SLCO4A1: variants seen among roughly 807,000 people sequenced by gnomAD.
SLCO4A1 encodes the protein solute carrier organic anion transporter family member 4A1.
In SLCO4A1, 51 loss-of-function variants were observed where a neutral mutation model predicts 64.6. The ratio of observed to expected loss-of-function variants is 0.79; its 90% CI spans 0.63 to 1.00. SLCO4A1 has a LOEUF of 1.00. Among genes scored for constraint, SLCO4A1 ranks in the 50% least tolerant of loss-of-function variants. The probability of loss-of-function intolerance (pLI) is 0.00; values close to 1 mark genes in which losing one functional copy is unlikely to be tolerated. For missense variants in SLCO4A1, 919 were observed against 980.5 expected, an observed-to-expected ratio of 0.94 and a Z score of 0.84; for synonymous variants, 471 against 444.9, an observed-to-expected ratio of 1.06 and a Z score of -0.74.
chr20:62,679,869 A>G (rs1002632173), intron 2 of SLCO4A1, among the ~76,000 whole-genome samples: 2 of 152,224 alleles, frequency 1.3e-5, no homozygotes, highest in African/African-American at 4.8e-5. Context: ...AAACGTCAGA[A>G]AAGTTTCAGG....
Position 62,661,041 on chromosome 20 carries a change from C to CCCCCCCCCCCCCCCAACA in SLCO4A1, c.1010-23_1010-22insCCCCCCCCCCCCCCAACA. 2 of 1,424,142 alleles carry CCCCCCCCCCCCCCCAACA rather than the reference C, an allele frequency of 1.4e-6. No individual in the cohort carries two copies. Among genetic ancestry groups the CCCCCCCCCCCCCCCAACA allele is most frequent in the Non-Finnish European group, 9.9e-7 (1 of 1,010,142 alleles). 88.2% of individuals were successfully genotyped at this position (1,424,142 alleles called of 1,614,324 possible). On this transcript the variant is annotated intron_variant, in intron 4 of 11. Transcript: ENST00000217159. This position sits in a 1 kb window ranked among gnomAD's most constrained non-coding sequence, Gnocchi z 5.2. ...TCCGGGAGCCCCCAGCCCCCAGCCCCAGCTCACTCTGTGCCCTTCCAGGCT... is the reference window on the plus strand; with the variant it reads ...TCCGGGAGCCCCCAGCCCCCAGCCCCCCCCCCCCCCCCCCAACAAGCTCACTCTGTGCCCTTCCAGGCT...
chr20:62,660,427 C>T lies in SLCO4A1; in HGVS notation c.903C>T (p.Thr301=), dbSNP rs375255303. 103 of 1,599,672 alleles carry T rather than the reference C, an allele frequency of 6.4e-5. 1 individual carries two copies. The highest frequency in any genetic ancestry group is 5.8e-4 in the South Asian group (53 of 91,056). ...TEMGRRTELT[T]ESPLWVGAWW... is the part of the protein sequence containing the mutation. The stretch of plus-strand genomic sequence containing the variant: ...TCTTCCACAGGACGGAGCTGACCAC[C>T]GAGAGCCCACTGTGGGTCGGCGCCT... The change falls in exon 4 of 12, where the codon ACC becomes ACT. Residue 301 remains threonine, a synonymous_variant. Transcript: ENST00000217159.
Position 62,656,553 on chromosome 20 carries a change from A to T in SLCO4A1, c.99A>T (p.Ala33=). The change falls in exon 2 of 12, where the codon GCA becomes GCT. Residue 33 remains alanine, a synonymous_variant. Coordinates refer to ENST00000217159, the MANE Select transcript of SLCO4A1 (RefSeq NM_016354.4). ...GLDHTPPSRR[A]SPGTPLSPGS... Reference sequence around the variant, plus strand: ...ACCACACCCCACCCAGCAGGAGGGCATCCCCGGGCACACCCCTGAGCCCCG... The same window carrying T: ...ACCACACCCCACCCAGCAGGAGGGCTTCCCCGGGCACACCCCTGAGCCCCG... The T allele has an allele frequency of 6.3e-7, 1 of 1,582,026 alleles. No individual in the cohort carries two copies. Among genetic ancestry groups the T allele is most frequent in the Non-Finnish European group, 8.6e-7 (1 of 1,169,224 alleles).
intron 2 of SLCO4A1, among the ~76,000 whole-genome samples, chr20:62,683,071 A>G (rs6089848): frequency 0.58 from 87,610 of 152,126 alleles, 25,365 homozygotes; most frequent in East Asian, 0.71. Flanking sequence ...AAGATGAACC[A>G]TAGGGAGCGA....
chr20:62,679,842 T>C (rs1229027754), intron 2 of SLCO4A1, among the ~76,000 whole-genome samples: 1 of 152,226 alleles, frequency 6.6e-6, no homozygotes, highest in East Asian at 1.9e-4. Flanking sequence ...AGGATGTGGC[T>C]CAAAACTCCT....
chr20:62,683,753 G>A (rs951080780), intron 2 of SLCO4A1, among the ~76,000 whole-genome samples: 1 of 152,184 alleles, frequency 6.6e-6, no homozygotes, highest in African/African-American at 2.4e-5. Flanking sequence ...GGGTTTGTGT[G>A]AGTGCACTCT....
In SLCO4A1 at chr20:62,672,235, G is replaced by C. The variant is rs1019039905; in HGVS notation, c.*342G>C. ...GCGGTGGGCCTGCAGCCTGAGGAAG[G>C]CTTGTGTGTCCTCAGTTAAAACTGT... On this transcript the variant is annotated 3_prime_UTR_variant, in exon 12 of 12. Coordinates refer to ENST00000217159, the MANE Select transcript of SLCO4A1 (RefSeq NM_016354.4). The C allele has an allele frequency of 8.0e-7, 1 of 1,245,566 alleles. No homozygotes were observed. The highest frequency in any genetic ancestry group is 1.0e-6 in the Non-Finnish European group (1 of 983,484). 77.2% of individuals were successfully genotyped at this position (1,245,566 alleles called of 1,614,324 possible).
rs773763538 is a variant in SLCO4A1 at position 62,667,830 on chromosome 20, G to A, written c.1558G>A (p.Gly520Ser). Residue 520 changes from glycine (G) to serine (S), a missense_variant, in exon 8 of 12, where the codon GGC becomes AGC. Gly to Ser is a moderately conservative substitution (Grantham distance 56). Transcript: ENST00000217159. The part of the protein sequence containing the change: ...CQPEHYSPVC[G>S]SDGLMYFSLC... Reference sequence around the variant, plus strand: ...GCCAGAACACTACAGCCCTGTGTGCGGCTCGGACGGCCTCATGTACTTCTC... The same window carrying A: ...GCCAGAACACTACAGCCCTGTGTGCAGCTCGGACGGCCTCATGTACTTCTC... The A allele has an allele frequency of 1.5e-5, 25 of 1,613,370 alleles. No individual in the cohort carries two copies. Among genetic ancestry groups the A allele is most frequent in the African/African-American group, 1.1e-4 (8 of 75,064 alleles).
At chr20:62,675,200 C>G (rs1456014668), downstream of SLCO4A1, among the ~76,000 whole-genome samples, 1 of 152,124 alleles carries the variant, frequency 6.6e-6, no homozygotes, top group Admixed American at 6.5e-5. Context: ...GGGAGCGGCC[C>G]CCAAAGCGAC....
At chr20:62,653,531 G>C (rs1306336551) in intron 1 of SLCO4A1, among the ~76,000 whole-genome samples, 1 of 152,182 alleles carries the variant, frequency 6.6e-6, no homozygotes, top group Non-Finnish European at 1.5e-5. Context: ...TCCCGGGGCT[G>C]GTTCTCACTG....
At chr20:62,642,921 A>G in intron 1 of SLCO4A1, 1 of 450,578 alleles carries the variant, frequency 2.2e-6, no homozygotes, top group Non-Finnish European at 4.6e-6. Flanking sequence ...TGACCTGGGC[A>G]GGTGGCCCGG....
downstream of SLCO4A1, among the ~76,000 whole-genome samples, chr20:62,673,768 G>C: frequency 9.7e-6 from 1 of 103,132 alleles, no homozygotes; most frequent in South Asian, 2.8e-4. Flanking sequence ...AACCAAGAGG[G>C]GACGACACCC....
intron 3 of SLCO4A1, among the ~76,000 whole-genome samples, chr20:62,659,172 G>A (rs1159280499): frequency 2.0e-5 from 3 of 152,170 alleles, no homozygotes; most frequent in Admixed American, 6.5e-5. Context: ...GAGACAGAGG[G>A]AAAGACACGT....
chr20:62,675,704 C>A (rs532274655), downstream of SLCO4A1, among the ~76,000 whole-genome samples: 1 of 152,214 alleles, frequency 6.6e-6, no homozygotes, highest in African/African-American at 2.4e-5. Flanking sequence ...CCACACAGGC[C>A]CCCCGCTTCT....
intron 6 of SLCO4A1, chr20:62,666,017 G>C (rs950143676): frequency 3.4e-4 from 64 of 190,304 alleles, no homozygotes; most frequent in East Asian, 1.4e-3. Flanking sequence ...TGCCCTGGAG[G>C]GGGGTCAGTG....
downstream of SLCO4A1, among the ~76,000 whole-genome samples, chr20:62,688,986 G>A (rs1199714907): frequency 6.6e-6 from 1 of 152,242 alleles, no homozygotes; most frequent in Non-Finnish European, 1.5e-5. Context: ...AAAAGCTCGA[G>A]CACAGTTAAT....
At chr20:62,668,790 G>A (rs1986832765) in intron 10 of SLCO4A1, 140 bp from the exon 11 acceptor site, 2 of 888,754 alleles carry the variant, frequency 2.3e-6, no homozygotes, top group East Asian at 2.6e-5. Context: ...GAACGTTTAA[G>A]CCCTCTTTGC....
At position 62,671,862 on chromosome 20, in the gene SLCO4A1, C is replaced by T. The variant is rs1987270138; in HGVS notation, c.2138C>T (p.Ala713Val). 7 of 1,612,980 alleles carry T rather than the reference C, an allele frequency of 4.3e-6. No individual in the cohort carries two copies. Among genetic ancestry groups the T allele is most frequent in the Non-Finnish European group, 5.9e-6 (7 of 1,180,036 alleles). ...AGCCAGTCCTCAGCCCCTGACAGTG[C>T]CACAGATAGCCAGCTCCAGAGCAGC... ...LPSQSSAPDS[A>V]TDSQLQSSV The change falls in exon 12 of 12, where the codon GCC becomes GTC. Residue 713 changes from alanine (A) to valine (V), a missense_variant. Coordinates refer to ENST00000217159, the MANE Select transcript of SLCO4A1 (RefSeq NM_016354.4).
At chr20:62,673,884 A>G (rs187875403), downstream of SLCO4A1, among the ~76,000 whole-genome samples, 4 of 152,342 alleles carry the variant, frequency 2.6e-5, no homozygotes, top group South Asian at 2.1e-4. Context: ...AAAAGTCACT[A>G]AATTCTGGGG....
Sources: allele counts gnomAD v4.1 joint callset (sites outside exome capture counted in the v4.1 genomes callset), GRCh38; gene constraint gnomAD v4.1.1; non-coding constraint Gnocchi (gnomAD v3.1); transcripts MANE v1.5; gene names NCBI Gene and HGNC (gene_info 2026-07-23, HGNC 2026-07-21).